The following NEK1 variants were observed in gnomAD, a reference collection of about 807,000 sequenced individuals.
NEK1 encodes serine/threonine-protein kinase Nek1.
NEK1 carries 137 observed loss-of-function variants against 182.1 expected under a neutral mutation model. The ratio of observed to expected loss-of-function variants is 0.75; its 90% CI spans 0.65 to 0.87. NEK1 has a LOEUF of 0.87. Ranked by LOEUF, NEK1 falls within the 40% of genes least tolerant of loss-of-function variation. The pLI, the probability that NEK1 is intolerant of heterozygous loss-of-function variation, is 0.00. For missense variants in NEK1, 1,391 were observed against 1,494.4 expected, an observed-to-expected ratio of 0.93 and a Z score of 1.14; for synonymous variants, 513 against 492.2, an observed-to-expected ratio of 1.04 and a Z score of -0.56.
intron 23 of NEK1, among the ~76,000 whole-genome samples, chr4:169,495,881 T>G (rs1239328856): frequency 6.6e-6 from 1 of 152,198 alleles, no homozygotes; most frequent in African/African-American, 2.4e-5. Flanking sequence ...GACTTGGCAA[T>G]GCGGGCTCTT....
intron 19 of NEK1, among the ~76,000 whole-genome samples, chr4:169,529,059 C>T (rs1466742817): frequency 2.0e-5 from 3 of 152,074 alleles, no homozygotes; most frequent in African/African-American, 7.2e-5. Context: ...AATTAGAATA[C>T]ATTTTGAACT....
intron 27 of NEK1, among the ~76,000 whole-genome samples, chr4:169,461,565 C>T (rs1296405040): frequency 1.3e-5 from 2 of 152,154 alleles, no homozygotes; most frequent in Non-Finnish European, 2.9e-5. Context: ...ATCTGTAACA[C>T]AGATTTTGCC....
chr4:169,461,709 A>T (rs1182546924), intron 27 of NEK1, among the ~76,000 whole-genome samples: 1 of 152,178 alleles, frequency 6.6e-6, no homozygotes, highest in Non-Finnish European at 1.5e-5. Context: ...GTCTTTCTTG[A>T]CTATACAAGA....
chr4:169,451,812 C>T (rs1741836627), intron 27 of NEK1, among the ~76,000 whole-genome samples: 1 of 151,680 alleles, frequency 6.6e-6, no homozygotes, highest in Non-Finnish European at 1.5e-5. Context: ...GAGATAGACA[C>T]AAAAACCCTT....
intron 9 of NEK1, among the ~76,000 whole-genome samples, chr4:169,586,051 CCTAAAAG>C (rs1767478289): frequency 6.6e-6 from 1 of 151,894 alleles, no homozygotes; most frequent in African/African-American, 2.4e-5. Context: ...GTGTGATGCT[CCTAAAAG>C]CTATGGAAAT....
At chr4:169,530,975 T>C (rs1054542804) in intron 19 of NEK1, among the ~76,000 whole-genome samples, 8 of 150,080 alleles carry the variant, frequency 5.3e-5, no homozygotes, top group South Asian at 2.2e-4. Flanking sequence ...GTTACTGATA[T>C]AGATTTTCAA....
intron 19 of NEK1, among the ~76,000 whole-genome samples, chr4:169,525,257 T>C (rs923527360): frequency 6.6e-6 from 1 of 152,148 alleles, no homozygotes; most frequent in African/African-American, 2.4e-5. Flanking sequence ...ACCTCCCAAG[T>C]AGCTAGAATT....
At chr4:169,535,813 G>A (rs1758394051) in intron 19 of NEK1, among the ~76,000 whole-genome samples, 1 of 150,630 alleles carries the variant, frequency 6.6e-6, no homozygotes, top group African/African-American at 2.4e-5. Context: ...CCGGGAGGCG[G>A]AGGTTGCAGT....
chr4:169,423,952 T>C (rs1056163624), intron 31 of NEK1, among the ~76,000 whole-genome samples: 6 of 152,172 alleles, frequency 3.9e-5, no homozygotes, highest in African/African-American at 1.2e-4. Flanking sequence ...GAAAAGGTTA[T>C]AAAGAGTATA....
intron 5 of NEK1, among the ~76,000 whole-genome samples, chr4:169,596,136 A>G (rs1769446991): frequency 6.6e-6 from 1 of 152,100 alleles, no homozygotes; most frequent in Non-Finnish European, 1.5e-5. Flanking sequence ...TTTGGTAGAG[A>G]ATGTATCGGG....
intron 18 of NEK1, among the ~76,000 whole-genome samples, chr4:169,545,450 T>C (rs1434687873): frequency 4.6e-5 from 7 of 150,586 alleles, no homozygotes; most frequent in Non-Finnish European, 8.9e-5. Flanking sequence ...CAGTCTATCA[T>C]TGTTGGACAT....
At chr4:169,584,621 T>C (rs1455403732) in intron 10 of NEK1, among the ~76,000 whole-genome samples, 2 of 152,012 alleles carry the variant, frequency 1.3e-5, no homozygotes, top group African/African-American at 4.8e-5. Flanking sequence ...CAAAAATAAT[T>C]TAAAAAAAAT....
chr4:169,513,399 C>T (rs148469007), intron 19 of NEK1, among the ~76,000 whole-genome samples: 259 of 152,092 alleles, frequency 1.7e-3, no homozygotes, highest in African/African-American at 4.7e-3. Context: ...TATATAAATT[C>T]AATTGATTTT....
At chr4:169,438,920 T>C (rs1264847540) in intron 27 of NEK1, among the ~76,000 whole-genome samples, 1 of 152,224 alleles carries the variant, frequency 6.6e-6, no homozygotes, top group African/African-American at 2.4e-5. Context: ...AACTTGTCAT[T>C]AATTATAGCC....
intron 12 of NEK1, among the ~76,000 whole-genome samples, chr4:169,565,603 C>T (rs1051595670): frequency 2.0e-5 from 3 of 152,072 alleles, no homozygotes; most frequent in African/African-American, 4.8e-5. Context: ...TCTATACAAA[C>T]GAATATTTGG....
intron 27 of NEK1, among the ~76,000 whole-genome samples, chr4:169,449,838 G>C (rs1402837625): frequency 1.3e-5 from 2 of 152,230 alleles, no homozygotes; most frequent in Non-Finnish European, 2.9e-5. Flanking sequence ...TTGACAAGTT[G>C]ACAGAAGTAG....
intron 23 of NEK1, among the ~76,000 whole-genome samples, chr4:169,493,123 C>T (rs932643882): frequency 1.3e-5 from 2 of 152,070 alleles, no homozygotes; most frequent in Non-Finnish European, 2.9e-5. Context: ...TGAATTACAC[C>T]GCCAAGCAAA....
chr4:169,606,889 G>A (rs1354165578), intron 2 of NEK1, among the ~76,000 whole-genome samples: 1 of 152,212 alleles, frequency 6.6e-6, no homozygotes, highest in East Asian at 1.9e-4. Context: ...ATACTAGTGG[G>A]TTCTACATTC....
intron 35 of NEK1, among the ~76,000 whole-genome samples, chr4:169,396,053 G>A (rs887463745): frequency 2.6e-4 from 40 of 152,162 alleles, no homozygotes; most frequent in African/African-American, 9.1e-4. Context: ...ATGAAGAGAA[G>A]GTATGTGTCT....
Sources: gnomAD v4.1 joint callset for allele counts (sites outside exome capture counted in the v4.1 genomes callset) on GRCh38, gnomAD v4.1.1 for gene constraint, MANE v1.5 for transcripts, NCBI Gene and HGNC (gene_info 2026-07-23, HGNC 2026-07-21) for gene names.